The following ARHGEF26 variants were observed in gnomAD, a reference collection of about 807,000 sequenced individuals.
ARHGEF26 encodes the protein Rho guanine nucleotide exchange factor (GEF) 26.
ARHGEF26 carries 59 observed loss-of-function variants against 89.4 expected under a neutral mutation model. The observed-to-expected ratio is 0.66, with a 90% confidence interval of 0.54 to 0.82. The LOEUF is 0.82. ARHGEF26 is among the 40% of genes least tolerant of loss of function. ARHGEF26 has a pLI of 0.00. For synonymous variants in ARHGEF26, 500 were observed against 428.4 expected, an observed-to-expected ratio of 1.17 and a Z score of -2.06; for missense variants, 1,234 against 1,085.6, an observed-to-expected ratio of 1.14 and a Z score of -1.92.
intron 11 of ARHGEF26, among the ~76,000 whole-genome samples, chr3:154,239,367 CAG>C (rs1219016090): frequency 9.0e-6 from 1 of 111,124 alleles, no homozygotes; most frequent in African/African-American, 3.6e-5. Context: ...TGGAGAGAGA[CAG>C]AGAGCCAGCA....
At chr3:154,153,603 G>T (rs1727953) in intron 6 of ARHGEF26, among the ~76,000 whole-genome samples, 138,118 of 152,002 alleles carry the variant, frequency 0.91, 62,977 homozygotes, top group East Asian at 1. Context: ...TTCCATTTAA[G>T]TTTTGTACGT....
At position 154,187,676 on chromosome 3, in the gene ARHGEF26, G is replaced by A; in HGVS notation, c.1488-9G>A. The A allele has an allele frequency of 6.3e-7, 1 of 1,585,018 alleles. No individual in the cohort carries two copies. Among genetic ancestry groups the A allele is most frequent in the Non-Finnish European group, 8.6e-7 (1 of 1,166,084 alleles). On this transcript the variant is annotated splice_polypyrimidine_tract_variant and intron_variant, in intron 6 of 14. Transcript: ENST00000465093. ...AAGTGTTAATTTTTTTTTCCCTTTGGTTTTTCAGGTTCTTTATAGAGTTGG... is the reference window on the plus strand; with the variant it reads ...AAGTGTTAATTTTTTTTTCCCTTTGATTTTTCAGGTTCTTTATAGAGTTGG...
At chr3:154,227,827 G>A (rs959241408) in intron 11 of ARHGEF26, among the ~76,000 whole-genome samples, 5 of 152,080 alleles carry the variant, frequency 3.3e-5, no homozygotes, top group Admixed American at 6.5e-5. Context: ...ATGGTAAAAT[G>A]TACACTGACA....
chr3:154,123,396 AAG>A (rs1231278991), intron 2 of ARHGEF26, among the ~76,000 whole-genome samples: 5 of 152,138 alleles, frequency 3.3e-5, no homozygotes, highest in African/African-American at 1.2e-4. Flanking sequence ...AGATAGCTGA[AAG>A]GGGGAGGAGC....
chr3:154,163,794 A>T (rs1403840925), intron 6 of ARHGEF26, among the ~76,000 whole-genome samples: 1 of 152,228 alleles, frequency 6.6e-6, no homozygotes, highest in Non-Finnish European at 1.5e-5. Flanking sequence ...TAGCATAAGC[A>T]GTCTGTGAAT....
chr3:154,128,764 C>T (rs1048044457), intron 3 of ARHGEF26, among the ~76,000 whole-genome samples: 2 of 152,262 alleles, frequency 1.3e-5, no homozygotes, highest in Admixed American at 6.5e-5. Flanking sequence ...CACTTTCTCA[C>T]CTGTTCTATG....
intron 12 of ARHGEF26, among the ~76,000 whole-genome samples, chr3:154,244,394 A>G (rs1717672224): frequency 6.6e-6 from 1 of 152,196 alleles, no homozygotes; most frequent in South Asian, 2.1e-4. Flanking sequence ...GAGTTGGGGC[A>G]AACAGTGAGC....
chr3:154,187,616 G>T, intron 6 of ARHGEF26, 69 bp from the exon 7 acceptor site: 1 of 1,335,560 alleles, frequency 7.5e-7, no homozygotes, highest in East Asian at 2.5e-5. Context: ...AACATTACAT[G>T]AGGCTAATCT....
chr3:154,198,139 G>T (rs116700818), intron 9 of ARHGEF26, among the ~76,000 whole-genome samples: 1,619 of 152,084 alleles, frequency 0.011, 23 homozygotes, highest in African/African-American at 0.037. Context: ...AAAATGCTCA[G>T]CATCACTAAC....
chr3:154,176,493 G>C (rs1475340119), intron 6 of ARHGEF26, among the ~76,000 whole-genome samples: 5 of 152,178 alleles, frequency 3.3e-5, no homozygotes, highest in African/African-American at 1.2e-4. Context: ...GAGTGACATA[G>C]TCCTGGTGAT....
intron 13 of ARHGEF26, among the ~76,000 whole-genome samples, chr3:154,253,767 G>C (rs1718308953): frequency 6.6e-6 from 1 of 152,114 alleles, no homozygotes; most frequent in African/African-American, 2.4e-5. Flanking sequence ...TGGTTTCTTA[G>C]ATTATTACAG....
intron 6 of ARHGEF26, among the ~76,000 whole-genome samples, chr3:154,159,239 T>G (rs1171602162): frequency 6.6e-6 from 1 of 152,152 alleles, no homozygotes; most frequent in Non-Finnish European, 1.5e-5. Flanking sequence ...CTGTTATTAG[T>G]ACCCTATAAA....
intron 4 of ARHGEF26, among the ~76,000 whole-genome samples, chr3:154,133,289 A>G (rs1266952697): frequency 6.6e-6 from 1 of 152,124 alleles, no homozygotes; most frequent in Admixed American, 6.5e-5. Flanking sequence ...GTGGTTCCCC[A>G]TTTATGGTGT....
chr3:154,122,441 C>T lies in ARHGEF26; in HGVS notation c.449C>T (p.Pro150Leu). 6.2e-7 allele frequency: 1 copy of T among 1,611,904 alleles called. No homozygotes were observed. Among genetic ancestry groups the T allele is most frequent in the African/African-American group, 1.3e-5 (1 of 75,042 alleles). ...CCGGTTCTGCGCCCCCCGCGGACTC[C>T]TAACGCGCCCGCCCCCTGCACCCCC... ...PPPVLRPPRT[P>L]NAPAPCTPEE... The change falls in exon 2 of 15, where the codon CCT becomes CTT. Residue 150 changes from proline to leucine, a missense_variant. By Grantham distance (98) the Pro-to-Leu change is moderately conservative (BLOSUM62 -3). Transcript: ENST00000465093.
In ARHGEF26 at chr3:154,233,867, TTGTG is replaced by T. The variant is rs1716956443; in HGVS notation, c.2091-6502_2091-6499del. Among the ~76,000 whole-genome samples the T allele has an allele frequency of 2.6e-5, 4 of 152,226 alleles. No homozygotes were observed. In the South Asian group the frequency reaches 8.3e-4, roughly 32 times the overall value. On this transcript the variant is annotated intron_variant, in intron 11 of 14. Transcript: ENST00000465093. ...CAGCTGCTAACTCAGGAAACATTTG[TTGTG>T]GCACCAGCACATTCTAGTAAATATT...
intron 6 of ARHGEF26, among the ~76,000 whole-genome samples, chr3:154,161,940 A>G (rs769528145): frequency 5.9e-5 from 9 of 152,152 alleles, no homozygotes; most frequent in African/African-American, 1.2e-4. Flanking sequence ...ATTTGGACCC[A>G]TTATGTTCTT....
At chr3:154,181,917 C>A (rs1034430801) in intron 6 of ARHGEF26, among the ~76,000 whole-genome samples, 2 of 151,968 alleles carry the variant, frequency 1.3e-5, no homozygotes, top group African/African-American at 4.8e-5. Flanking sequence ...ACATGTTTCA[C>A]CTTTATCATT....
chr3:154,239,349 A>C (rs1276060610), intron 11 of ARHGEF26, among the ~76,000 whole-genome samples: 3 of 105,348 alleles, frequency 2.8e-5, no homozygotes, highest in African/African-American at 1.1e-4. Flanking sequence ...TGTATGAAGA[A>C]GTATTGTTGG....
intron 5 of ARHGEF26, among the ~76,000 whole-genome samples, chr3:154,152,500 G>C (rs1576708678): frequency 6.6e-6 from 1 of 152,184 alleles, no homozygotes; most frequent in East Asian, 1.9e-4. Flanking sequence ...CTTGGCAAAG[G>C]CATGACCTCA....
Sources: allele counts gnomAD v4.1 joint callset (sites outside exome capture counted in the v4.1 genomes callset), GRCh38; gene constraint gnomAD v4.1.1; transcripts MANE v1.5; gene names NCBI Gene and HGNC (gene_info 2026-07-23, HGNC 2026-07-21).